Variants in SUPT6H observed in about 807,000 individuals in gnomAD.
The protein encoded by SUPT6H is transcription elongation factor SPT6.
A neutral mutation model predicts 222.3 loss-of-function variants in SUPT6H; 11 were observed. The ratio of observed to expected loss-of-function variants is 0.05; its 90% CI spans 0.03 to 0.08. The LOEUF (loss-of-function observed/expected upper bound fraction) is 0.08. SUPT6H is among the 10% of genes least tolerant of loss of function. The pLI, the probability that SUPT6H is intolerant of heterozygous loss-of-function variation, is 1.00. For synonymous variants in SUPT6H, 762 were observed against 801.2 expected (o/e 0.95, Z 0.83); for missense variants, 1,422 against 2,216.0 (o/e 0.64, Z 7.19).
In SUPT6H at chr17:28,701,111, A is replaced by ACGG; in HGVS notation, c.4979_4981dup (p.Arg1660dup). 1 of 1,610,676 alleles carries ACGG rather than the reference A, an allele frequency of 6.2e-7. No homozygotes were observed. Among genetic ancestry groups the ACGG allele is most frequent in the East Asian group, 2.2e-5 (1 of 44,850 alleles). ...CCCAGCCCTCTTCCAGCTCCCGGCA[A>ACGG]CGGCAGCAGCAGCCAAAGTAAGTAT... On this transcript the variant is annotated inframe_insertion, in exon 36 of 37. Transcript: ENST00000314616.
At chr17:28,678,320 G>C in intron 9 of SUPT6H, 128 bp downstream of exon 9, 1 of 879,178 alleles carries the variant, frequency 1.1e-6, no homozygotes, top group Non-Finnish European at 1.8e-6. Context: ...CAAGTGTTAG[G>C]ACCAGCAGAG....
At chr17:28,670,603 C>T (rs1012314411) in intron 1 of SUPT6H, among the ~76,000 whole-genome samples, 3 of 151,926 alleles carry the variant, frequency 2.0e-5, no homozygotes, top group Admixed American at 6.6e-5. Context: ...ATGAACAATC[C>T]GGCCAGGCGC....
chr17:28,682,889 G>C, intron 14 of SUPT6H, 33 bp downstream of exon 14: 2 of 1,613,834 alleles, frequency 1.2e-6, no homozygotes, highest in Non-Finnish European at 1.7e-6. Context: ...ACAGGAGGAG[G>C]GGCCTGAGGA....
chr17:28,694,583 T>C (rs2031812813), intron 28 of SUPT6H, among the ~76,000 whole-genome samples: 1 of 152,202 alleles, frequency 6.6e-6, no homozygotes, highest in African/African-American at 2.4e-5. Flanking sequence ...TAAGTGAAGC[T>C]GGGGAGATTT....
chr17:28,669,859 C>G (rs1040401462), intron 1 of SUPT6H, among the ~76,000 whole-genome samples: 2 of 152,236 alleles, frequency 1.3e-5, no homozygotes, highest in African/African-American at 4.8e-5. Context: ...TCGCTTGAAC[C>G]CAGGAGGCGG....
chr17:28,673,374 T>C lies in SUPT6H; in HGVS notation c.-28T>C, dbSNP rs370465811. The C allele has an allele frequency of 3.8e-6, 6 of 1,564,776 alleles. No individual in the cohort carries two copies. Among genetic ancestry groups the C allele is most frequent in the Non-Finnish European group, 4.4e-6 (5 of 1,135,654 alleles). On this transcript the variant is annotated 5_prime_UTR_variant, in exon 2 of 37. Coordinates refer to ENST00000314616, the MANE Select transcript of SUPT6H (RefSeq NM_003170.5). ...CTTCACTCTTTTCTTTCCCTAGTTATCTTCAGGCAGAGTGAGAAGCTGCAG... is the reference window on the plus strand; with the variant it reads ...CTTCACTCTTTTCTTTCCCTAGTTACCTTCAGGCAGAGTGAGAAGCTGCAG...
chr17:28,678,454 G>A, intron 9 of SUPT6H, 91 bp from the exon 10 acceptor site: 1 of 1,293,912 alleles, frequency 7.7e-7, no homozygotes, highest in Non-Finnish European at 1.1e-6. Flanking sequence ...ATTTCCTGGA[G>A]CTGTTTCTCC....
rs992497146 is a variant in SUPT6H at position 28,702,178 on chromosome 17, CT to C, written c.*554del. 6.5e-6 allele frequency: 1 copy of C among 153,804 alleles called. No individual in the cohort carries two copies. Among genetic ancestry groups the C allele is most frequent in the African/African-American group, 2.4e-5 (1 of 41,474 alleles). The allele number at this position is 153,804 out of a possible 1,614,324, so 9.5% of individuals were successfully genotyped here. A position where few individuals can be genotyped will look rare whatever the true frequency, so the allele number is the denominator to read the frequency against. On this transcript the variant is annotated 3_prime_UTR_variant, in exon 37 of 37. Transcript: ENST00000314616. ...CCCCTGCCTGGCTGCCCTTTCCCCC[CT>C]GCTGCTGCCACCGCTTCCTGCCTGT...
intron 1 of SUPT6H, among the ~76,000 whole-genome samples, chr17:28,667,434 T>TATACAC (rs1337771722): frequency 7.4e-6 from 1 of 135,206 alleles, no homozygotes; most frequent in Admixed American, 7.7e-5. Flanking sequence ...TATATATATA[T>TATACAC]ATGTATGTGT....
intron 17 of SUPT6H, 72 bp from the exon 18 acceptor site, chr17:28,684,514 A>G (rs1000612590): frequency 5.7e-6 from 9 of 1,584,720 alleles, no homozygotes; most frequent in Admixed American, 1.7e-5. Flanking sequence ...GTGTGTTTCC[A>G]TAGCACTCTT....
At chr17:28,691,300 C>T (rs895778487) in intron 27 of SUPT6H, 10 of 454,934 alleles carry the variant, frequency 2.2e-5, no homozygotes, top group East Asian at 7.9e-5. Context: ...CCAAGGTGGG[C>T]GGTTCATCTG....
At chr17:28,678,295 C>A in intron 9 of SUPT6H, 103 bp downstream of exon 9, 1 of 1,036,064 alleles carries the variant, frequency 9.7e-7, no homozygotes, top group Non-Finnish European at 1.5e-6. Flanking sequence ...CCCGTATCCC[C>A]TATCCATGAC....
intron 13 of SUPT6H, chr17:28,682,210 T>C: frequency 2.1e-6 from 1 of 471,702 alleles, no homozygotes; most frequent in Non-Finnish European, 3.8e-6. Flanking sequence ...AAACTCATGA[T>C]TGGAGGGAGA....
Position 28,700,183 on chromosome 17 carries a change from T to C in SUPT6H, c.4572T>C (p.Pro1524=), listed in dbSNP as rs1567707142. 6.2e-7 allele frequency: 1 copy of C among 1,612,788 alleles called. No individual in the cohort carries two copies. ...HYQDPVPGIT[P]SSSSRTRTPA... is the part of the protein sequence containing the mutation. ...AATCACTTCCTGCAGGCATCACCCC[T>C]AGCAGCAGCAGCAGGACCCGGACAC... The change falls in exon 34 of 37, where the codon CCT becomes CCC. Residue 1524 remains proline (P), a synonymous_variant. Coordinates refer to ENST00000314616, the MANE Select transcript of SUPT6H (RefSeq NM_003170.5).
At position 28,686,376 on chromosome 17, in the gene SUPT6H, A is replaced by T; in HGVS notation, c.2525A>T (p.Asn842Ile). The T allele has an allele frequency of 6.2e-7, 1 of 1,614,252 alleles. No individual in the cohort carries two copies. Among genetic ancestry groups the T allele is most frequent in the Non-Finnish European group, 8.5e-7 (1 of 1,180,042 alleles). Residue 842 changes from asparagine to isoleucine, a missense_variant, in exon 20 of 37, where the codon AAT becomes ATT. Physicochemically the swap from Asn to Ile is moderately radical, Grantham distance 149. Around this residue, in one of 13 missense-constraint regions of SUPT6H, gnomAD observed 294 missense variants for 382.1 expected, o/e 0.77. Transcript: ENST00000314616. ...GAAACGCTAAAGAAATTTCTCCTGA[A>T]TAAGAAGCCTCATGTAGTGACAGTT... is the stretch of plus-strand genomic sequence containing the variant. ...DIETLKKFLL[N>I]KKPHVVTVAG... is the part of the protein sequence containing the mutation.
At position 28,698,162 on chromosome 17, in the gene SUPT6H, G is replaced by T. The variant is rs939822550; in HGVS notation, c.4448+132G>T. ...CTCCTCTCATCTGTTTAGAACAGAGGTGGAGGTTGGAGGTGGGAAAAGAGG... is the reference window on the plus strand; with the variant it reads ...CTCCTCTCATCTGTTTAGAACAGAGTTGGAGGTTGGAGGTGGGAAAAGAGG... On this transcript the variant is annotated intron_variant, in intron 32 of 36. Transcript: ENST00000314616. 3 of 1,288,174 alleles carry T rather than the reference G, an allele frequency of 2.3e-6. No individual in the cohort carries two copies. The African/African-American group carries it at 4.5e-5, about 19-fold the overall frequency. 79.8% of individuals were successfully genotyped at this position (1,288,174 alleles called of 1,614,324 possible). A position where few individuals can be genotyped will look rare whatever the true frequency, so the allele number is the denominator to read the frequency against.
intron 5 of SUPT6H, 98 bp downstream of exon 5, chr17:28,675,260 C>T: frequency 6.8e-7 from 1 of 1,479,392 alleles, no homozygotes; most frequent in South Asian, 1.3e-5. Context: ...CTACATCCCC[C>T]AGCATTTGAC....
At chr17:28,677,687 T>A in intron 7 of SUPT6H, 28 bp from the exon 8 acceptor site, 4 of 1,551,820 alleles carry the variant, frequency 2.6e-6, no homozygotes, top group Non-Finnish European at 3.6e-6. Flanking sequence ...ATAAAGTCCG[T>A]CTCACCCTGT....
chr17:28,668,304 TTAA>T (rs1290435288), intron 1 of SUPT6H, among the ~76,000 whole-genome samples: 1 of 152,230 alleles, frequency 6.6e-6, no homozygotes, highest in Non-Finnish European at 1.5e-5. Context: ...ATACCATGTA[TTAA>T]TAATAATCAT....
Sources: gnomAD v4.1 joint callset for allele counts (sites outside exome capture counted in the v4.1 genomes callset) on GRCh38, gnomAD v4.1.1 for gene constraint, gnomAD v4.1.1 regional missense constraint, MANE v1.5 for transcripts, NCBI Gene and HGNC (gene_info 2026-07-23, HGNC 2026-07-21) for gene names.